The following SLC22A3 variants were observed in gnomAD, a reference collection of about 807,000 sequenced individuals.
SLC22A3 encodes solute carrier family 22 member 3, also known as EMT organic cation transporter 3.
SLC22A3 carries 51 observed loss-of-function variants against 59.1 expected under a neutral mutation model. That is an observed-to-expected ratio of 0.86 (90% CI 0.69 to 1.09). The LOEUF (loss-of-function observed/expected upper bound fraction) is 1.09, where lower values mean the gene tolerates loss of function less well. Ranked by LOEUF, SLC22A3 falls within the 50% of genes least tolerant of loss-of-function variation. The probability of loss-of-function intolerance (pLI) is 0.00; values close to 1 mark genes in which losing one functional copy is unlikely to be tolerated. For missense variants in SLC22A3, 711 were observed against 726.3 expected (o/e 0.98, Z 0.24); for synonymous variants, 325 against 292.0 (o/e 1.11, Z -1.15).
At chr6:160,356,042 A>G (rs928415195) in intron 1 of SLC22A3, among the ~76,000 whole-genome samples, 3 of 152,176 alleles carry the variant, frequency 2.0e-5, no homozygotes, top group Admixed American at 1.3e-4. Context: ...TAAATTAATG[A>G]ATGAAAGAGA....
intron 1 of SLC22A3, among the ~76,000 whole-genome samples, chr6:160,362,073 C>G (rs1785030775): frequency 6.6e-6 from 1 of 152,196 alleles, no homozygotes; most frequent in African/African-American, 2.4e-5. Flanking sequence ...TGACCCAAGC[C>G]TTCCCAGGAG....
At chr6:160,416,637 T>C (rs1324880434) in intron 5 of SLC22A3, among the ~76,000 whole-genome samples, 1 of 152,186 alleles carries the variant, frequency 6.6e-6, no homozygotes, top group Non-Finnish European at 1.5e-5. Flanking sequence ...TCTGTTTTGC[T>C]CATAATGCAA....
intron 2 of SLC22A3, among the ~76,000 whole-genome samples, chr6:160,403,865 C>T (rs147779104): frequency 6.6e-6 from 1 of 151,958 alleles, no homozygotes; most frequent in Non-Finnish European, 1.5e-5. Context: ...AATCCAACAT[C>T]TATATATGAC....
chr6:160,367,492 T>G (rs571173350), intron 1 of SLC22A3, among the ~76,000 whole-genome samples: 1 of 152,186 alleles, frequency 6.6e-6, no homozygotes, highest in Non-Finnish European at 1.5e-5. Context: ...ATACCTGTAT[T>G]GCAACTTTCA....
At chr6:160,389,426 G>C (rs373526778) in intron 1 of SLC22A3, among the ~76,000 whole-genome samples, 3 of 152,124 alleles carry the variant, frequency 2.0e-5, no homozygotes, top group African/African-American at 7.2e-5. Flanking sequence ...GCAAAGGATG[G>C]CCAAGCACCT....
chr6:160,440,930 G>A (rs1440560935), intron 7 of SLC22A3, among the ~76,000 whole-genome samples: 1 of 152,102 alleles, frequency 6.6e-6, no homozygotes, highest in East Asian at 1.9e-4. Context: ...ATTTATCTGA[G>A]TTAACCACAT....
intron 9 of SLC22A3, among the ~76,000 whole-genome samples, chr6:160,445,990 C>T (rs1312106216): frequency 6.6e-6 from 1 of 152,084 alleles, no homozygotes; most frequent in Non-Finnish European, 1.5e-5. Flanking sequence ...AGGGAGTGGC[C>T]CAAGCCCCCC....
chr6:160,401,194 G>A (rs1421319865), intron 2 of SLC22A3, among the ~76,000 whole-genome samples: 4 of 151,792 alleles, frequency 2.6e-5, no homozygotes, highest in Non-Finnish European at 4.4e-5. Flanking sequence ...AGACACCACA[G>A]ATCCAGGAAA....
chr6:160,388,078 G>GA (rs1334529581), intron 1 of SLC22A3, among the ~76,000 whole-genome samples: 1 of 152,136 alleles, frequency 6.6e-6, no homozygotes. Flanking sequence ...CCTTGCGTGG[G>GA]AGACACTAAC....
At chr6:160,367,301 A>T (rs1785239891) in intron 1 of SLC22A3, among the ~76,000 whole-genome samples, 1 of 152,140 alleles carries the variant, frequency 6.6e-6, no homozygotes, top group Admixed American at 6.5e-5. Context: ...ATCTCGTGAT[A>T]ACTCATTCAC....
intron 1 of SLC22A3, among the ~76,000 whole-genome samples, chr6:160,367,296 G>A (rs1432060834): frequency 4.6e-5 from 7 of 152,068 alleles, no homozygotes; most frequent in Non-Finnish European, 7.3e-5. Flanking sequence ...ATCAGATCTC[G>A]TGATAACTCA....
intron 1 of SLC22A3, among the ~76,000 whole-genome samples, chr6:160,351,276 C>A (rs987247033): frequency 6.6e-6 from 1 of 152,074 alleles, no homozygotes; most frequent in Admixed American, 6.5e-5. Context: ...CCACCATGCC[C>A]GGCTAATTTT....
chr6:160,414,213 C>A (rs1787375680), intron 5 of SLC22A3, among the ~76,000 whole-genome samples: 1 of 152,154 alleles, frequency 6.6e-6, no homozygotes, highest in South Asian at 2.1e-4. Flanking sequence ...CATTACTTGC[C>A]ACTGATAATC....
chr6:160,424,187 T>C (rs2504930), intron 5 of SLC22A3, among the ~76,000 whole-genome samples: 130,057 of 152,152 alleles, frequency 0.85, 56,075 homozygotes, highest in East Asian at 1. Context: ...ATCCTAGGGA[T>C]TATGGAGTTA....
chr6:160,411,609 G>T (rs1049601145), intron 5 of SLC22A3, among the ~76,000 whole-genome samples: 1 of 152,108 alleles, frequency 6.6e-6, no homozygotes, highest in Non-Finnish European at 1.5e-5. Context: ...GGGCATGGTG[G>T]CACGCACCTG....
chr6:160,433,515 T>TCTACTA (rs3066966), intron 5 of SLC22A3, among the ~76,000 whole-genome samples: 38,442 of 146,634 alleles, frequency 0.26, 5,175 homozygotes, highest in South Asian at 0.37. Flanking sequence ...AGACCCTGTC[T>TCTACTA]CTACTACTAC....
At chr6:160,427,657 G>A (rs562241167) in intron 5 of SLC22A3, among the ~76,000 whole-genome samples, 10 of 152,342 alleles carry the variant, frequency 6.6e-5, no homozygotes, top group African/African-American at 2.4e-4. Context: ...AAGAAGTGAT[G>A]ATAAGAATTG....
intron 1 of SLC22A3, among the ~76,000 whole-genome samples, chr6:160,377,751 C>T (rs551870572): frequency 1.3e-5 from 2 of 152,258 alleles, no homozygotes; most frequent in African/African-American, 4.8e-5. Flanking sequence ...AAGAACAAAA[C>T]ACAAAGTAAA....
rs1562479255 is a variant in SLC22A3 at position 160,387,339 on chromosome 6, G to A, written c.430-10640G>A. ...CAAAGACAAACTCTTCTCACTGCCT[G>A]TAAGTGAGCAGGAGTCTGACCCCCG... On this transcript the variant is annotated intron_variant, in intron 1 of 10. Coordinates refer to ENST00000275300, the MANE Select transcript of SLC22A3 (RefSeq NM_021977.4). Among the ~76,000 whole-genome samples, 5 of 152,326 alleles carry A rather than the reference G, an allele frequency of 3.3e-5. No homozygotes were observed. The East Asian group carries it at 9.6e-4, about 29-fold the overall frequency.
Sources: gnomAD v4.1 joint callset for allele counts (sites outside exome capture counted in the v4.1 genomes callset) on GRCh38, gnomAD v4.1.1 for gene constraint, MANE v1.5 for transcripts, NCBI Gene and HGNC (gene_info 2026-07-23, HGNC 2026-07-21) for gene names.